Variants in APBA1 observed in about 807,000 individuals in gnomAD.
The protein encoded by APBA1 is amyloid beta precursor protein binding family A member 1, also known as amyloid-beta A4 precursor protein-binding family A member 1.
APBA1 carries 55 observed loss-of-function variants against 86.6 expected under a neutral mutation model. That is an observed-to-expected ratio of 0.64 (90% CI 0.51 to 0.80). APBA1 has a LOEUF of 0.80. Among genes scored for constraint, APBA1 ranks in the 30% least tolerant of loss-of-function variants. The pLI, the probability that APBA1 is intolerant of heterozygous loss-of-function variation, is 0.00. For synonymous variants in APBA1, 511 were observed against 493.9 expected, an observed-to-expected ratio of 1.03 and a Z score of -0.46; for missense variants, 1,090 against 1,183.0, an observed-to-expected ratio of 0.92 and a Z score of 1.15.
rs2133833512 is a variant in APBA1, at chr9:69,471,680, C to T, written c.1312G>A (p.Ala438Thr). 6.2e-7 allele frequency: 1 copy of T among 1,613,474 alleles called. No homozygotes were observed. The highest frequency in any genetic ancestry group is 1.7e-4 in the Middle Eastern group (1 of 6,058). Residue 438 changes from alanine (A) to threonine (T), a missense_variant, in exon 4 of 13, where the codon GCT becomes ACT. Ala to Thr is a moderately conservative substitution (Grantham distance 58, BLOSUM62 0). Transcript: ENST00000265381. ...CCTTCAACGTAGGTTGGGAATGAAG[C>T]CAAGCTTTTTCTTGACTGTAATAAA... is the stretch of plus-strand genomic sequence containing the variant. ...STNKESRKSLASFPTYVEVPG... is the reference protein window; with the variant it reads ...STNKESRKSLTSFPTYVEVPG...
At position 69,583,121 on chromosome 9, in the gene APBA1, G is replaced by A. The variant is rs996377533; in HGVS notation, c.-69-65842C>T. Among the ~76,000 whole-genome samples the A allele has an allele frequency of 8.5e-4, 130 of 152,290 alleles. 1 individual carries two copies. Among genetic ancestry groups the A allele is most frequent in the East Asian group, 1.2e-3 (6 of 5,180 alleles). ...CCTGTGGAACAGGCGCAGTACAGGCGATTGACCCCTGTGATTTGGATTAAA... is the reference window on the plus strand; with the variant it reads ...CCTGTGGAACAGGCGCAGTACAGGCAATTGACCCCTGTGATTTGGATTAAA... On this transcript the variant is annotated intron_variant, in intron 1 of 12. Coordinates refer to ENST00000265381, the MANE Select transcript of APBA1 (RefSeq NM_001163.4).
intron 2 of APBA1, among the ~76,000 whole-genome samples, chr9:69,513,121 C>G (rs183198074): frequency 2.6e-5 from 4 of 152,348 alleles, no homozygotes; most frequent in Admixed American, 1.3e-4. Flanking sequence ...TTTATATTAA[C>G]TATTCATAAC....
At chr9:69,514,579 A>G (rs1055036167) in intron 2 of APBA1, among the ~76,000 whole-genome samples, 1 of 151,408 alleles carries the variant, frequency 6.6e-6, no homozygotes, top group African/African-American at 2.4e-5. Flanking sequence ...AAAAGAGTGA[A>G]ATTCTGTCTC....
At chr9:69,460,044 C>T (rs540559110) in intron 5 of APBA1, among the ~76,000 whole-genome samples, 4 of 152,158 alleles carry the variant, frequency 2.6e-5, no homozygotes, top group Non-Finnish European at 5.9e-5. Context: ...CTCTCATATT[C>T]CTGGGTACTC....
intron 1 of APBA1, among the ~76,000 whole-genome samples, chr9:69,659,167 G>A (rs1823702711): frequency 6.6e-6 from 1 of 152,110 alleles, no homozygotes; most frequent in African/African-American, 2.4e-5. Flanking sequence ...CTTCTGGCCA[G>A]CTTCAGTGTC....
chr9:69,572,077 T>C (rs1040534550), intron 1 of APBA1, among the ~76,000 whole-genome samples: 1 of 152,228 alleles, frequency 6.6e-6, no homozygotes, highest in African/African-American at 2.4e-5. Flanking sequence ...ATTATCTCTT[T>C]TTAAAATTTG....
intron 1 of APBA1, among the ~76,000 whole-genome samples, chr9:69,658,411 T>C (rs1313729667): frequency 6.7e-6 from 1 of 150,296 alleles, no homozygotes; most frequent in Admixed American, 6.7e-5. Context: ...CCTCTCTCTT[T>C]CTTTCTTTCT....
At chr9:69,493,923 T>C (rs1835754112) in intron 2 of APBA1, among the ~76,000 whole-genome samples, 1 of 152,142 alleles carries the variant, frequency 6.6e-6, no homozygotes. Context: ...CAAGTTGTTT[T>C]AGATTAACCT....
chr9:69,555,271 C>T (rs11139316), intron 1 of APBA1, among the ~76,000 whole-genome samples: 3,778 of 152,162 alleles, frequency 0.025, 61 homozygotes, highest in Non-Finnish European at 0.038. Context: ...GACTGTGTGG[C>T]GAGGGAATAG....
intron 1 of APBA1, among the ~76,000 whole-genome samples, chr9:69,623,670 T>A (rs1029675438): frequency 2.0e-5 from 3 of 152,136 alleles, no homozygotes; most frequent in Non-Finnish European, 4.4e-5. Context: ...ATTCCTAAAC[T>A]CCAAACTTTG....
chr9:69,530,292 A>C (rs1159436596), intron 1 of APBA1, among the ~76,000 whole-genome samples: 1 of 145,112 alleles, frequency 6.9e-6, no homozygotes, highest in East Asian at 2.0e-4. Flanking sequence ...GATTAAGAAA[A>C]AAGTTGTGTG....
At chr9:69,553,642 C>T (rs952581110) in intron 1 of APBA1, among the ~76,000 whole-genome samples, 1 of 152,096 alleles carries the variant, frequency 6.6e-6, no homozygotes, top group Non-Finnish European at 1.5e-5. Context: ...AGGTCACTTC[C>T]AGCACGGACA....
intron 1 of APBA1, among the ~76,000 whole-genome samples, chr9:69,599,266 G>T (rs920474656): frequency 6.6e-6 from 1 of 152,202 alleles, no homozygotes; most frequent in African/African-American, 2.4e-5. Context: ...ATATATTAGA[G>T]AACTGCATTT....
At chr9:69,468,072 T>TGAGG in intron 4 of APBA1, 104 bp from the exon 5 acceptor site, 1 of 1,430,748 alleles carries the variant, frequency 7.0e-7, no homozygotes, top group South Asian at 1.3e-5. Context: ...CTGGCACAGG[T>TGAGG]GAGGCAGAGC....
intron 1 of APBA1, among the ~76,000 whole-genome samples, chr9:69,628,359 T>C (rs1822973299): frequency 6.6e-6 from 1 of 152,184 alleles, no homozygotes; most frequent in African/African-American, 2.4e-5. Flanking sequence ...AGAATGTGTA[T>C]TGTTTTAAGC....
intron 1 of APBA1, among the ~76,000 whole-genome samples, chr9:69,615,240 A>G (rs1822677121): frequency 1.3e-5 from 2 of 152,210 alleles, no homozygotes; most frequent in Non-Finnish European, 2.9e-5. Flanking sequence ...TAAGCCTTCT[A>G]TAGTTTACAG....
At chr9:69,602,128 T>C (rs1822362025) in intron 1 of APBA1, among the ~76,000 whole-genome samples, 1 of 152,242 alleles carries the variant, frequency 6.6e-6, no homozygotes, top group Non-Finnish European at 1.5e-5. Flanking sequence ...ATGTATTCTC[T>C]TTTTGCAATT....
intron 1 of APBA1, among the ~76,000 whole-genome samples, chr9:69,523,562 T>A (rs1836298484): frequency 7.3e-6 from 1 of 136,738 alleles, no homozygotes; most frequent in African/African-American, 2.8e-5. Context: ...CACCCAACAT[T>A]AGAGCACCCA....
chr9:69,456,183 G>A lies in APBA1; in HGVS notation c.1788+64C>T, dbSNP rs1835093083. On this transcript the variant is annotated intron_variant, in intron 8 of 12. Transcript: ENST00000265381. ...TGCATCATGTGTGATGAATTAGACTGAATCAGGTTCTGAGAAGTCAAGAGA... is the reference window on the plus strand; with the variant it reads ...TGCATCATGTGTGATGAATTAGACTAAATCAGGTTCTGAGAAGTCAAGAGA... The A allele has an allele frequency of 7.8e-6, 12 of 1,544,506 alleles. 1 individual carries two copies. The South Asian group carries it at 1.3e-4, about 17-fold the overall frequency.
Sources: allele counts gnomAD v4.1 joint callset (sites outside exome capture counted in the v4.1 genomes callset), GRCh38; gene constraint gnomAD v4.1.1; transcripts MANE v1.5; gene names NCBI Gene and HGNC (gene_info 2026-07-23, HGNC 2026-07-21).